ARHGEF40: variants seen among roughly 807,000 people sequenced by gnomAD.
The protein encoded by ARHGEF40 is Rho guanine nucleotide exchange factor 40, also known as Rho guanine nucleotide exchange factor (GEF) 40.
Under a neutral mutation model 165.9 loss-of-function variants are expected in ARHGEF40, and 98 were observed. That is an observed-to-expected ratio of 0.59 (90% CI 0.50 to 0.70). The LOEUF is 0.70. ARHGEF40 is among the 30% of genes least tolerant of loss of function. The pLI is 0.00. For missense variants in ARHGEF40, 1,815 were observed against 1,968.0 expected (o/e 0.92, Z 1.47); for synonymous variants, 792 against 814.3 (o/e 0.97, Z 0.47).
rs1170518163 is a variant in ARHGEF40 at position 21,076,850 on chromosome 14, A to C, written c.1994A>C (p.His665Pro). Residue 665 changes from histidine to proline, a missense_variant, in exon 8 of 24, where the codon CAC becomes CCC. Coordinates refer to ENST00000298694, the MANE Select transcript of ARHGEF40 (RefSeq NM_018071.5). ...PEELQWELGG[H>P]RDPSPSHWVE... ...GAGCTGCAGTGGGAGTTAGGAGGTC[A>C]CAGGGACCCCTCTCCCAGTCACTGG... The C allele has an allele frequency of 1.2e-6, 2 of 1,613,808 alleles. No homozygotes were observed. The highest frequency in any genetic ancestry group is 8.5e-7 in the Non-Finnish European group (1 of 1,180,010).
At chr14:21,069,759 C>G (rs776402308), upstream of ARHGEF40, among the ~76,000 whole-genome samples, 3 of 152,148 alleles carry the variant, frequency 2.0e-5, no homozygotes, top group Admixed American at 6.5e-5. Context: ...CCCGGCCCTC[C>G]GCTCTCTGCT....
At chr14:21,070,233 C>T (rs1300528101), upstream of ARHGEF40, 1 of 663,340 alleles carries the variant, frequency 1.5e-6, no homozygotes, top group African/African-American at 1.9e-5. The surrounding 1 kb of genome is among the most constrained non-coding windows in gnomAD (Gnocchi z 4.7). Context: ...TCGGCCCTCC[C>T]TGGCGGGGCC....
chr14:21,088,974 C>T, intron 23 of ARHGEF40, 40 bp from the exon 24 acceptor site: 2 of 1,213,676 alleles, frequency 1.6e-6, no homozygotes, highest in Non-Finnish European at 2.4e-6. Flanking sequence ...CAGCTTCTTC[C>T]CTCTCCCAAC....
In ARHGEF40 at chr14:21,089,037, G is replaced by A. The variant is rs1380306408; in HGVS notation, c.*29G>A. ...AGAGAAGATCCAGAACTTGCGTGCAGCTTCTCCTCTCAGCACACTTTGGGC... is the reference window on the plus strand; with the variant it reads ...AGAGAAGATCCAGAACTTGCGTGCAACTTCTCCTCTCAGCACACTTTGGGC... On this transcript the variant is annotated 3_prime_UTR_variant, in exon 24 of 24. Coordinates refer to ENST00000298694, the MANE Select transcript of ARHGEF40 (RefSeq NM_018071.5). 2 of 665,762 alleles carry A rather than the reference G, an allele frequency of 3.0e-6. No homozygotes were observed. The highest frequency in any genetic ancestry group is 5.0e-6 in the Non-Finnish European group (2 of 402,168). 41.2% of individuals were successfully genotyped at this position (665,762 alleles called of 1,614,324 possible).
upstream of ARHGEF40, among the ~76,000 whole-genome samples, chr14:21,067,088 A>G (rs896551912): frequency 6.6e-6 from 1 of 152,158 alleles, no homozygotes; most frequent in Non-Finnish European, 1.5e-5. Context: ...TGAGCAGCCT[A>G]AAACCCCAAC....
intron 1 of ARHGEF40, among the ~76,000 whole-genome samples, chr14:21,071,168 G>A (rs1413703739): frequency 6.6e-6 from 1 of 152,210 alleles, no homozygotes; most frequent in Non-Finnish European, 1.5e-5. Context: ...GGGACTAGGG[G>A]ACCCTGGCAG....
chr14:21,083,762 A>G, intron 16 of ARHGEF40, 73 bp from the exon 17 acceptor site: 1 of 1,420,638 alleles, frequency 7.0e-7, no homozygotes, highest in Non-Finnish European at 9.6e-7. Context: ...TCACCCACCT[A>G]CCCCCCAACC....
rs773241265 is a variant in ARHGEF40 at position 21,087,131 on chromosome 14, GC to G, written c.4243+31del. ...GTGAGGGCCAGGGTGCTGGGGGGTG[GC>G]CCCCAGGAGTGAAGACCTTGACAAT... On this transcript the variant is annotated intron_variant, in intron 20 of 23. Coordinates refer to ENST00000298694, the MANE Select transcript of ARHGEF40 (RefSeq NM_018071.5). 1.2e-5 allele frequency: 19 copies of G among 1,601,708 alleles called. No individual in the cohort carries two copies. In the East Asian group the frequency reaches 4.0e-4, roughly 34 times the overall value.
Position 21,088,831 on chromosome 14 carries a change from G to A in ARHGEF40, c.4520G>A (p.Ser1507Asn), listed in dbSNP as rs746353563. 50 of 1,612,452 alleles carry A rather than the reference G, an allele frequency of 3.1e-5. No individual in the cohort carries two copies. The highest frequency in any genetic ancestry group is 1.6e-4 in the Middle Eastern group (1 of 6,074). Residue 1507 changes from serine (S) to asparagine (N), a missense_variant and splice_region_variant, in exon 23 of 24, where the codon AGT (serine) becomes AAT (asparagine). Transcript: ENST00000298694. ...SRGILGLSRQ[S>N]HARALSDPTT... Reference sequence around the variant, plus strand: ...TCACTGTAGCTTCTCTCCCCCCAGAGTCATGCTCGAGCCCTGAGTGACCCC... The same window carrying A: ...TCACTGTAGCTTCTCTCCCCCCAGAATCATGCTCGAGCCCTGAGTGACCCC...
At chr14:21,085,058 A>G (rs1888232476) in intron 18 of ARHGEF40, 135 bp downstream of exon 18, 1 of 1,155,466 alleles carries the variant, frequency 8.7e-7, no homozygotes, top group South Asian at 1.6e-5. Context: ...CTTGTAATCG[A>G]CTATCGAGTT....
chr14:21,070,268 CCGA>C (rs987082407), upstream of ARHGEF40: 1 of 1,032,848 alleles, frequency 9.7e-7, no homozygotes, highest in African/African-American at 1.7e-5. This position sits in a 1 kb window ranked among gnomAD's most constrained non-coding sequence, Gnocchi z 4.7. Flanking sequence ...CCGGAGCGGG[CCGA>C]GCCGCCACCG....
Position 21,074,026 on chromosome 14 carries a change from T to C in ARHGEF40, c.296T>C (p.Leu99Pro). ...CAGCTAGCAGCCCTACCCTGGCAAC[T>C]GCTGCGCCCAGGAGACTTCTATCTG... ...VVQLAALPWQ[L>P]LRPGDFYLQV... Residue 99 changes from leucine (L) to proline (P), a missense_variant, in exon 3 of 24, where the codon CTG becomes CCG. Coordinates refer to ENST00000298694, the MANE Select transcript of ARHGEF40 (RefSeq NM_018071.5). The surrounding 1 kb of genome is among the most constrained non-coding windows in gnomAD (Gnocchi z 4.8). 1 of 1,614,064 alleles carries C rather than the reference T, an allele frequency of 6.2e-7. No homozygotes were observed. The highest frequency in any genetic ancestry group is 8.5e-7 in the Non-Finnish European group (1 of 1,180,022).
At position 21,078,500 on chromosome 14, in the gene ARHGEF40, G is replaced by A. The variant is rs753079095; in HGVS notation, c.2246+12G>A. On this transcript the variant is annotated intron_variant, in intron 10 of 23. Transcript: ENST00000298694. ...ACTCCCAGCAGCAAGTACGAAGTATGGGTGTGCGGAGGCAGGTGGAAGTGG... is the reference window on the plus strand; with the variant it reads ...ACTCCCAGCAGCAAGTACGAAGTATAGGTGTGCGGAGGCAGGTGGAAGTGG... 7.0e-5 allele frequency: 108 copies of A among 1,551,352 alleles called. No homozygotes were observed. Among genetic ancestry groups the A allele is most frequent in the Non-Finnish European group, 9.3e-5 (106 of 1,145,420 alleles).
chr14:21,071,971 T>C (rs1886952677), intron 1 of ARHGEF40, among the ~76,000 whole-genome samples: 1 of 152,188 alleles, frequency 6.6e-6, no homozygotes, highest in Admixed American at 6.5e-5. Flanking sequence ...TAAGCTATTT[T>C]GTTTTATGGC....
Position 21,075,350 on chromosome 14 carries a change from G to A in ARHGEF40, c.1469G>A (p.Gly490Asp), listed in dbSNP as rs750876591. The A allele has an allele frequency of 1.9e-6, 3 of 1,613,948 alleles. No individual in the cohort carries two copies. The highest frequency in any genetic ancestry group is 2.7e-5 in the African/African-American group (2 of 74,932). ...TGTGCAGGACACACAGGCCCAGAAG[G>A]CCCCCTGTCTGACACTCCAACACCT... Reference protein sequence around the residue: ...LCMAGHTGPEGPLSDTPTPPL... With the variant: ...LCMAGHTGPEDPLSDTPTPPL... The change falls in exon 4 of 24, where the codon GGC becomes GAC. Residue 490 changes from glycine (G) to aspartate (D), a missense_variant. By Grantham distance (94) the Gly-to-Asp change is moderately conservative. Transcript: ENST00000298694. This position sits in a 1 kb window ranked among gnomAD's most constrained non-coding sequence, Gnocchi z 4.5.
chr14:21,070,299 T>G, upstream of ARHGEF40: 1 of 1,328,996 alleles, frequency 7.5e-7, no homozygotes, highest in Non-Finnish European at 9.7e-7. The surrounding 1 kb of genome is among the most constrained non-coding windows in gnomAD (Gnocchi z 4.7). Flanking sequence ...AGCTGTCCCT[T>G]AGCCAGACCC....
In ARHGEF40 at chr14:21,087,950, C is replaced by A. The variant is rs1338226389; in HGVS notation, c.4388-18C>A. On this transcript the variant is annotated intron_variant, in intron 21 of 23. Coordinates refer to ENST00000298694, the MANE Select transcript of ARHGEF40 (RefSeq NM_018071.5). The stretch of plus-strand genomic sequence containing the variant: ...GGAGGGATTCTGTACTCTGCTCTCA[C>A]CCTAGCTTCCCCTTCAGCCCCAGAA... 1 of 1,613,730 alleles carries A rather than the reference C, an allele frequency of 6.2e-7. No individual in the cohort carries two copies. The highest frequency in any genetic ancestry group is 8.5e-7 in the Non-Finnish European group (1 of 1,180,012).
At chr14:21,085,638 C>G in intron 18 of ARHGEF40, 51 bp from the exon 19 acceptor site, 1 of 1,580,064 alleles carries the variant, frequency 6.3e-7, no homozygotes, top group Non-Finnish European at 8.6e-7. Context: ...TGTGGCGCCA[C>G]CCAGCCAGGA....
chr14:21,080,966 G>A lies in ARHGEF40; in HGVS notation c.2590G>A (p.Val864Ile). Residue 864 changes from valine (V) to isoleucine (I), a missense_variant, in exon 13 of 24, where the codon GTT (valine) becomes ATT (isoleucine). Val to Ile is a conservative substitution (Grantham distance 29). Transcript: ENST00000298694. Reference protein sequence around the residue: ...LDIFEQRLEQVESGLHRALRL... With the variant: ...LDIFEQRLEQIESGLHRALRL... ...TATCTTTGAACAGCGGCTGGAGCAG[G>A]TTGAGAGTGGCCTCCATCGGGCCCT... 3 of 1,614,222 alleles carry A rather than the reference G, an allele frequency of 1.9e-6. No individual in the cohort carries two copies. Among genetic ancestry groups the A allele is most frequent in the Non-Finnish European group, 2.5e-6 (3 of 1,180,030 alleles).
Sources: allele counts gnomAD v4.1 joint callset (sites outside exome capture counted in the v4.1 genomes callset), GRCh38; gene constraint gnomAD v4.1.1; non-coding constraint Gnocchi (gnomAD v3.1); transcripts MANE v1.5; gene names NCBI Gene and HGNC (gene_info 2026-07-23, HGNC 2026-07-21).